NSD3: variants seen among roughly 807,000 people sequenced by gnomAD.
NSD3 encodes nuclear receptor binding SET domain protein 3.
Under a neutral mutation model 160.8 loss-of-function variants are expected in NSD3, and 24 were observed. The observed-to-expected ratio is 0.15, with a 90% CI of 0.11 to 0.21. The LOEUF (loss-of-function observed/expected upper bound fraction) is 0.21. NSD3 is among the 10% of genes least tolerant of loss of function. NSD3 has a pLI of 1.00. For synonymous variants in NSD3, 520 were observed against 600.0 expected, an observed-to-expected ratio of 0.87 and a Z score of 1.95; for missense variants, 1,157 against 1,735.9, an observed-to-expected ratio of 0.67 and a Z score of 5.93.
Position 38,381,992 on chromosome 8 carries a change from T to C in NSD3, c.-238A>G, listed in dbSNP as rs991851414. The C allele has an allele frequency of 6.6e-6, 1 of 152,146 alleles. No individual in the cohort carries two copies. Among genetic ancestry groups the C allele is most frequent in the African/African-American group, 2.4e-5 (1 of 41,272 alleles). The allele number at this position is 152,146 out of a possible 1,614,324, so 9.4% of individuals were successfully genotyped here. A position where few individuals can be genotyped will look rare whatever the true frequency, so the allele number is the denominator to read the frequency against. The stretch of plus-strand genomic sequence containing the variant: ...ACGCCTCTGCCATGGCGGCCGGCAC[T>C]GAGGAGGGCCACGGCCGGGCCGGGC... On this transcript the variant is annotated 5_prime_UTR_variant, in exon 1 of 24. Transcript: ENST00000317025.
chr8:38,286,306 C>CAA (rs1345805016), intron 19 of NSD3, among the ~76,000 whole-genome samples: 1 of 150,714 alleles, frequency 6.6e-6, no homozygotes, highest in Non-Finnish European at 1.5e-5. Context: ...AACAAACAAA[C>CAA]ACACACACAC....
intron 2 of NSD3, among the ~76,000 whole-genome samples, chr8:38,341,879 G>A (rs1246812414): frequency 1.3e-4 from 19 of 151,980 alleles, no homozygotes. Flanking sequence ...CCAGGAGTTT[G>A]AGGCTGTGTG....
chr8:38,276,045 G>A (rs774602784), intron 23 of NSD3, 163 bp from the exon 24 acceptor site: 12 of 797,698 alleles, frequency 1.5e-5, no homozygotes, highest in Non-Finnish European at 2.0e-5. Flanking sequence ...TACAGTTTAG[G>A]ATGGATGTGA....
chr8:38,347,457 G>A, intron 2 of NSD3, 40 bp downstream of exon 2: 7 of 1,531,536 alleles, frequency 4.6e-6, no homozygotes, highest in Non-Finnish European at 6.1e-6. Context: ...CAGTAAATGT[G>A]AAATATAACA....
intron 10 of NSD3, 144 bp downstream of exon 10, chr8:38,315,768 A>G: frequency 1.5e-6 from 2 of 1,316,632 alleles, no homozygotes; most frequent in Non-Finnish European, 2.0e-6. Context: ...ATAACATGAG[A>G]GCAAAAGAAT....
Position 38,319,745 on chromosome 8 carries a change from G to A in NSD3, c.1810-805C>T, listed in dbSNP as rs1809753754. On this transcript the variant is annotated intron_variant, in intron 8 of 23. Coordinates refer to ENST00000317025, the MANE Select transcript of NSD3 (RefSeq NM_023034.2). The surrounding 1 kb of genome is among the most constrained non-coding windows in gnomAD (Gnocchi z 4.1). Reference sequence around the variant, plus strand: ...TGAAACACATTTTGTAAATATTTAAGGATTGTTCTAAGCTTTTTAAAAAAA... The same window carrying A: ...TGAAACACATTTTGTAAATATTTAAAGATTGTTCTAAGCTTTTTAAAAAAA... 6.6e-6 allele frequency: 1 copy of A among 151,962 alleles called. No individual in the cohort carries two copies. The highest frequency in any genetic ancestry group is 1.5e-5 in the Non-Finnish European group (1 of 68,006). 9.4% of individuals were successfully genotyped at this position (151,962 alleles called of 1,614,324 possible). A position where few individuals can be genotyped will look rare whatever the true frequency, so the allele number is the denominator to read the frequency against.
chr8:38,317,003 A>AT lies in NSD3; in HGVS notation c.1856-962dup, dbSNP rs1462567407. On this transcript the variant is annotated intron_variant, in intron 9 of 23. Transcript: ENST00000317025. This position sits in a 1 kb window ranked among gnomAD's most constrained non-coding sequence, Gnocchi z 5.3. ...TTTCAACCCACAGTTTGTGTTTTGG[A>AT]TTTTTTCCCCCAAAATTTCCATACA... is the stretch of plus-strand genomic sequence containing the variant. 3 of 1,059,832 alleles carry AT rather than the reference A, an allele frequency of 2.8e-6. No individual in the cohort carries two copies. The highest frequency in any genetic ancestry group is 5.2e-5 in the East Asian group (1 of 19,352). 65.7% of individuals were successfully genotyped at this position (1,059,832 alleles called of 1,614,324 possible).
At chr8:38,278,484 C>A in intron 21 of NSD3, 72 bp from the exon 22 acceptor site, 1 of 1,287,696 alleles carries the variant, frequency 7.8e-7, no homozygotes, top group Non-Finnish European at 1.1e-6. Context: ...GGCACACTCC[C>A]CTAATGAAAA....
At chr8:38,348,694 C>G (rs896607216) in intron 1 of NSD3, among the ~76,000 whole-genome samples, 17 of 151,920 alleles carry the variant, frequency 1.1e-4, no homozygotes, top group Non-Finnish European at 2.5e-4. Context: ...CAGAATCTCA[C>G]TCTGTCACCC....
At chr8:38,361,884 T>C (rs987579393) in intron 1 of NSD3, among the ~76,000 whole-genome samples, 7 of 152,040 alleles carry the variant, frequency 4.6e-5, no homozygotes, top group African/African-American at 1.7e-4. Flanking sequence ...TCAGGCATTT[T>C]TGGCTTAGGA....
At position 38,290,545 on chromosome 8, in the gene NSD3, C is replaced by T; in HGVS notation, c.3048G>A (p.Val1016=). 1 of 1,614,146 alleles carries T rather than the reference C, an allele frequency of 6.2e-7. No homozygotes were observed. Among genetic ancestry groups the T allele is most frequent in the Non-Finnish European group, 8.5e-7 (1 of 1,180,008 alleles). ...TTTTGTCTCCTTCAACATAAGGGAA[C>T]ACTCTGCCCTGGTGTACCCAGTAGT... ...HDYYWVHQGR[V]FPYVEGDKSF... Residue 1016 remains valine (V), a synonymous_variant, in exon 17 of 24, where the codon GTG becomes GTA. Coordinates refer to ENST00000317025, the MANE Select transcript of NSD3 (RefSeq NM_023034.2).
In NSD3 at chr8:38,315,495, T is replaced by A; in HGVS notation, c.2036A>T (p.Asp679Val). The A allele has an allele frequency of 1.2e-6, 2 of 1,613,426 alleles. No homozygotes were observed. The highest frequency in any genetic ancestry group is 8.5e-7 in the Non-Finnish European group (1 of 1,179,784). The change falls in exon 11 of 24, where the codon GAC becomes GTC. Residue 679 changes from aspartate (D) to valine (V), a missense_variant. Physicochemically the swap from Asp to Val is radical, Grantham distance 152. Transcript: ENST00000317025. ...ATCCATGGACTGCACATCAGAAACG[T>A]CTGCATCTGCAGTAGCTGAAGGGCT... is the stretch of plus-strand genomic sequence containing the variant. Reference protein sequence around the residue: ...VDSPSATADADVSDVQSMDSS... With the variant: ...VDSPSATADAVVSDVQSMDSS...
chr8:38,364,490 T>C (rs1811062088), intron 1 of NSD3, among the ~76,000 whole-genome samples: 1 of 152,224 alleles, frequency 6.6e-6, no homozygotes, highest in African/African-American at 2.4e-5. Flanking sequence ...TCCCATTTCA[T>C]TGGCACAGCT....
chr8:38,333,989 C>G (rs1271994841), intron 4 of NSD3, among the ~76,000 whole-genome samples: 1 of 152,218 alleles, frequency 6.6e-6, no homozygotes, highest in Non-Finnish European at 1.5e-5. Context: ...AGGAGATTCA[C>G]TCATTTCTCT....
At chr8:38,277,986 T>C (rs1022612864) in intron 22 of NSD3, among the ~76,000 whole-genome samples, 1 of 151,348 alleles carries the variant, frequency 6.6e-6, no homozygotes, top group African/African-American at 2.4e-5. Flanking sequence ...TCACCCAGGC[T>C]GGAGTGCAGT....
At chr8:38,293,548 C>CA (rs921952194) in intron 16 of NSD3, among the ~76,000 whole-genome samples, 17 of 146,260 alleles carry the variant, frequency 1.2e-4, no homozygotes, top group South Asian at 4.3e-4. Flanking sequence ...GACCCTGTCT[C>CA]AAAAAAAAAA....
Position 38,347,619 on chromosome 8 carries a change from G to A in NSD3, c.553C>T (p.His185Tyr). Reference protein sequence around the residue: ...DLLNEVQASEHTKSKHESRKE... With the variant: ...DLLNEVQASEYTKSKHESRKE... ...CTGCTTTCATGCTTTGATTTCGTGT[G>A]CTCACTTGCCTGTACTTCATTTAAA... The change falls in exon 2 of 24, where the codon CAC becomes TAC. Residue 185 changes from histidine to tyrosine, a missense_variant. Transcript: ENST00000317025. 2 of 1,613,780 alleles carry A rather than the reference G, an allele frequency of 1.2e-6. No individual in the cohort carries two copies. Among genetic ancestry groups the A allele is most frequent in the Non-Finnish European group, 8.5e-7 (1 of 1,180,022 alleles).
chr8:38,368,747 C>T (rs1446678979), intron 1 of NSD3, among the ~76,000 whole-genome samples: 1 of 152,202 alleles, frequency 6.6e-6, no homozygotes, highest in Non-Finnish European at 1.5e-5. Context: ...CAACAACAGA[C>T]ATGGTATTAC....
chr8:38,278,075 A>G (rs1467329717), intron 22 of NSD3, among the ~76,000 whole-genome samples: 1 of 151,886 alleles, frequency 6.6e-6, no homozygotes. Flanking sequence ...AGTAGCTGGG[A>G]CTACAGGCAC....
Sources: gnomAD v4.1 joint callset for allele counts (sites outside exome capture counted in the v4.1 genomes callset) on GRCh38, gnomAD v4.1.1 for gene constraint, Gnocchi (gnomAD v3.1) non-coding constraint, MANE v1.5 for transcripts, NCBI Gene and HGNC (gene_info 2026-07-23, HGNC 2026-07-21) for gene names.